The following CMTM4 variants were observed in gnomAD, a reference collection of about 807,000 sequenced individuals.
CMTM4 encodes the protein CKLF-like MARVEL transmembrane domain-containing protein 4.
A neutral mutation model predicts 19.0 loss-of-function variants in CMTM4; 8 were observed. That is an observed-to-expected ratio of 0.42 (90% CI 0.25 to 0.76). The LOEUF is 0.76. Ranked by LOEUF, CMTM4 falls within the 30% of genes least tolerant of loss-of-function variation. The pLI, the probability that CMTM4 is intolerant of heterozygous loss-of-function variation, is 0.27. For missense variants in CMTM4, 228 were observed against 290.2 expected, an observed-to-expected ratio of 0.79 and a Z score of 1.56; for synonymous variants, 106 against 121.1, an observed-to-expected ratio of 0.88 and a Z score of 0.82.
At chr16:66,627,769 G>A (rs558609624) in intron 2 of CMTM4, among the ~76,000 whole-genome samples, 11 of 152,234 alleles carry the variant, frequency 7.2e-5, no homozygotes, top group Admixed American at 3.9e-4. Context: ...GGGATATCTC[G>A]TCAGGTGGGA....
At chr16:66,633,868 C>T (rs1369517297) in intron 2 of CMTM4, among the ~76,000 whole-genome samples, 1 of 151,652 alleles carries the variant, frequency 6.6e-6, no homozygotes, top group Admixed American at 6.6e-5. Flanking sequence ...AAGGTATATG[C>T]CCTTTTGTTG....
Position 66,696,603 on chromosome 16 carries a change from TCGCCGCCGCCGCCGC to T in CMTM4, c.-93_-79del, listed in dbSNP as rs534268840. On this transcript the variant is annotated 5_prime_UTR_variant, in exon 1 of 4. Transcript: ENST00000394106. This position sits in a 1 kb window ranked among gnomAD's most constrained non-coding sequence, Gnocchi z 4.3. ...GGGCGGACTCAGCGGGGCCGCCGCA[TCGCCGCCGCCGCCGC>T]CGCCGCCGCCGCCCGACTGACTGCC... 5.0e-5 allele frequency: 41 copies of T among 814,906 alleles called. No homozygotes were observed. Among genetic ancestry groups the T allele is most frequent in the East Asian group, 2.5e-4 (2 of 8,154 alleles). 50.5% of individuals were successfully genotyped at this position (814,906 alleles called of 1,614,324 possible).
chr16:66,636,350 T>A, intron 2 of CMTM4, 55 bp downstream of exon 2: 1 of 1,464,272 alleles, frequency 6.8e-7, no homozygotes, highest in Non-Finnish European at 9.4e-7. Flanking sequence ...CAGCTTTTCC[T>A]TGGAGCCAAC....
At chr16:66,624,625 G>A (rs1315554523) in intron 2 of CMTM4, among the ~76,000 whole-genome samples, 2 of 152,290 alleles carry the variant, frequency 1.3e-5, no homozygotes, top group African/African-American at 4.8e-5. Context: ...AAATTAGCTG[G>A]GCATGGTGGC....
chr16:66,690,303 G>C (rs1390665133), intron 1 of CMTM4, among the ~76,000 whole-genome samples: 1 of 152,160 alleles, frequency 6.6e-6, no homozygotes, highest in African/African-American at 2.4e-5. Context: ...TTTGACCAGG[G>C]TCATTGTGTG....
At chr16:66,688,648 A>C (rs1207515367) in intron 1 of CMTM4, among the ~76,000 whole-genome samples, 1 of 152,170 alleles carries the variant, frequency 6.6e-6, no homozygotes, top group Non-Finnish European at 1.5e-5. Context: ...GCTAATATAA[A>C]GTTTAGAATC....
At chr16:66,632,495 T>C (rs9928644) in intron 2 of CMTM4, among the ~76,000 whole-genome samples, 103 of 152,286 alleles carry the variant, frequency 6.8e-4, no homozygotes, top group African/African-American at 2.3e-3. Flanking sequence ...TTTACTTTCA[T>C]AATTTTTTCA....
At position 66,683,886 on chromosome 16, in the gene CMTM4, G is replaced by A. The variant is rs563278867; in HGVS notation, c.186+12454C>T. On this transcript the variant is annotated intron_variant, in intron 1 of 3. Transcript: ENST00000394106. ...GTGGGAATCTCTCTGAGCCTATTCC[G>A]GTGCAGGAGGCTGCCTAATTTAAAA... Among the ~76,000 whole-genome samples the A allele has an allele frequency of 1.8e-4, 28 of 152,140 alleles. 1 individual carries two copies. In the East Asian group the frequency reaches 1.9e-3, roughly 11 times the overall value.
At chr16:66,657,827 TG>T (rs1185922442) in intron 1 of CMTM4, among the ~76,000 whole-genome samples, 1 of 152,240 alleles carries the variant, frequency 6.6e-6, no homozygotes, top group Non-Finnish European at 1.5e-5. Context: ...GCATTTACCT[TG>T]CCTTTCCTGT....
chr16:66,688,939 A>G (rs1596966846), intron 1 of CMTM4, among the ~76,000 whole-genome samples: 1 of 152,096 alleles, frequency 6.6e-6, no homozygotes, highest in East Asian at 1.9e-4. Context: ...TTTAATTTCC[A>G]ATGATTTATT....
intron 1 of CMTM4, among the ~76,000 whole-genome samples, chr16:66,653,336 G>T (rs1362325795): frequency 1.3e-5 from 2 of 152,148 alleles, no homozygotes. Context: ...GAAGTCCATT[G>T]GGAAAACCCA....
intron 1 of CMTM4, among the ~76,000 whole-genome samples, chr16:66,694,405 G>A (rs921387106): frequency 6.6e-6 from 1 of 152,070 alleles, no homozygotes; most frequent in African/African-American, 2.4e-5. Context: ...TTGGCTAGCT[G>A]CCTCTTTTAA....
intron 1 of CMTM4, among the ~76,000 whole-genome samples, chr16:66,655,190 C>G (rs1356422281): frequency 1.3e-5 from 2 of 152,126 alleles, no homozygotes; most frequent in Non-Finnish European, 2.9e-5. Context: ...CGCCATGTTG[C>G]CAAGGCTGGG....
downstream of CMTM4, chr16:66,610,866 T>C (rs1178819542): frequency 1.3e-5 from 5 of 398,528 alleles, no homozygotes; most frequent in Non-Finnish European, 2.2e-5. The surrounding 1 kb of genome is among the most constrained non-coding windows in gnomAD (Gnocchi z 4.6). Context: ...GCTGGGGCCA[T>C]GGGGATTTGT....
In CMTM4 at chr16:66,664,022, C is replaced by G. The variant is rs192614315; in HGVS notation, c.187-27441G>C. On this transcript the variant is annotated intron_variant, in intron 1 of 3. Transcript: ENST00000394106. ...CTGAGGCAGGCAGATCACCTGAGCT[C>G]AGGAGTTTGAGACCAGCCTGGCCAA... Among the ~76,000 whole-genome samples, 14 of 152,180 alleles carry G rather than the reference C, an allele frequency of 9.2e-5. No individual in the cohort carries two copies. In the East Asian group the frequency reaches 2.5e-3, roughly 27 times the overall value.
chr16:66,648,439 A>T (rs1304337869), intron 1 of CMTM4, among the ~76,000 whole-genome samples: 2 of 152,304 alleles, frequency 1.3e-5, no homozygotes, highest in East Asian at 1.9e-4. Flanking sequence ...CTGGTGGATC[A>T]ACTGAGGTCA....
chr16:66,634,353 T>C (rs923511655), intron 2 of CMTM4, among the ~76,000 whole-genome samples: 9 of 151,278 alleles, frequency 5.9e-5, no homozygotes, highest in African/African-American at 1.9e-4. Flanking sequence ...GGCAGGAGAA[T>C]CGCTTGAACC....
At chr16:66,638,864 A>C (rs1400972704) in intron 1 of CMTM4, among the ~76,000 whole-genome samples, 1 of 152,070 alleles carries the variant, frequency 6.6e-6, no homozygotes, top group African/African-American at 2.4e-5. Context: ...CATCTCAAAA[A>C]AAACAAAAAC....
chr16:66,659,779 AAAG>A (rs779344784), intron 1 of CMTM4, among the ~76,000 whole-genome samples: 11 of 152,346 alleles, frequency 7.2e-5, no homozygotes, highest in Admixed American at 7.2e-4. Flanking sequence ...TTACAACAAA[AAAG>A]GAGGGGAGCG....
Sources: gnomAD v4.1 joint callset for allele counts (sites outside exome capture counted in the v4.1 genomes callset) on GRCh38, gnomAD v4.1.1 for gene constraint, Gnocchi (gnomAD v3.1) non-coding constraint, MANE v1.5 for transcripts, NCBI Gene and HGNC (gene_info 2026-07-23, HGNC 2026-07-21) for gene names.